The following BAZ2B variants were observed in gnomAD, a reference collection of about 807,000 sequenced individuals.
The protein encoded by BAZ2B is bromodomain adjacent to zinc finger domain 2B, also known as bromodomain adjacent to zinc finger domain protein 2B.
In BAZ2B, 91 loss-of-function variants were observed where a neutral mutation model predicts 246.0. The ratio of observed to expected loss-of-function variants is 0.37; its 90% CI spans 0.31 to 0.44. The LOEUF (loss-of-function observed/expected upper bound fraction) is 0.44, where lower values mean the gene tolerates loss of function less well. BAZ2B is among the 20% of genes least tolerant of loss of function. BAZ2B has a pLI of 1.00. For missense variants in BAZ2B, 2,332 were observed against 2,533.7 expected, an observed-to-expected ratio of 0.92 and a Z score of 1.71; for synonymous variants, 855 against 860.0, an observed-to-expected ratio of 0.99 and a Z score of 0.10.
intron 27 of BAZ2B, among the ~76,000 whole-genome samples, chr2:159,355,268 A>G (rs777295502): frequency 6.6e-6 from 1 of 152,130 alleles, no homozygotes; most frequent in African/African-American, 2.4e-5. Flanking sequence ...CCTTAGGAGT[A>G]CTCGCAGAGC....
chr2:159,602,376 A>G (rs1321863615), intron 1 of BAZ2B, among the ~76,000 whole-genome samples: 1 of 152,210 alleles, frequency 6.6e-6, no homozygotes, highest in African/African-American at 2.4e-5. Flanking sequence ...GTCAACTGAT[A>G]ATTCTTGGGA....
intron 16 of BAZ2B, among the ~76,000 whole-genome samples, chr2:159,403,649 TAAC>T (rs1412228794): frequency 6.6e-6 from 1 of 152,166 alleles, no homozygotes; most frequent in African/African-American, 2.4e-5. Flanking sequence ...CAGTCACAAT[TAAC>T]AAACTAAGGA....
At chr2:159,482,989 G>T (rs2079409340) in intron 2 of BAZ2B, among the ~76,000 whole-genome samples, 1 of 152,076 alleles carries the variant, frequency 6.6e-6, no homozygotes, top group South Asian at 2.1e-4. Context: ...CTGACCCTTT[G>T]TGTTAAGAAT....
chr2:159,337,995 T>C (rs2065947925), intron 31 of BAZ2B, among the ~76,000 whole-genome samples: 1 of 152,212 alleles, frequency 6.6e-6, no homozygotes, highest in Admixed American at 6.5e-5. Context: ...ACTTTTGATA[T>C]TATAAAAGGT....
chr2:159,364,012 C>T (rs2059975680), intron 27 of BAZ2B, among the ~76,000 whole-genome samples: 1 of 152,166 alleles, frequency 6.6e-6, no homozygotes, highest in Non-Finnish European at 1.5e-5. Flanking sequence ...TCATCAGCTC[C>T]ACTTTGTGAG....
intron 2 of BAZ2B, among the ~76,000 whole-genome samples, chr2:159,513,242 T>A (rs2083105948): frequency 6.6e-6 from 1 of 152,190 alleles, no homozygotes; most frequent in Non-Finnish European, 1.5e-5. Context: ...TTTGAAATAT[T>A]TTTGTTACTT....
intron 3 of BAZ2B, among the ~76,000 whole-genome samples, chr2:159,467,839 G>A (rs960465227): frequency 6.6e-6 from 1 of 152,168 alleles, no homozygotes; most frequent in Non-Finnish European, 1.5e-5. Context: ...TTAACAAGAA[G>A]TAAAAAGTAT....
chr2:159,424,744 G>A (rs1204499144), intron 13 of BAZ2B, among the ~76,000 whole-genome samples: 1 of 152,098 alleles, frequency 6.6e-6, no homozygotes, highest in South Asian at 2.1e-4. Flanking sequence ...AAATAACACA[G>A]TATTGGCATA....
intron 2 of BAZ2B, among the ~76,000 whole-genome samples, chr2:159,530,798 T>C (rs974266214): frequency 6.6e-6 from 1 of 151,968 alleles, no homozygotes; most frequent in Non-Finnish European, 1.5e-5. Flanking sequence ...GATGAAACCC[T>C]GTCTCTACTA....
chr2:159,473,217 T>C (rs747659831), intron 3 of BAZ2B, among the ~76,000 whole-genome samples: 12 of 152,192 alleles, frequency 7.9e-5, no homozygotes, highest in African/African-American at 2.7e-4. Context: ...ATTTGGTTGG[T>C]AGACTACTAG....
chr2:159,457,062 C>G (rs2075865069), intron 3 of BAZ2B, among the ~76,000 whole-genome samples: 1 of 152,080 alleles, frequency 6.6e-6, no homozygotes, highest in African/African-American at 2.4e-5. Flanking sequence ...TTTCTTCCAT[C>G]TTTTACAAAA....
At chr2:159,632,940 C>G in the BAZ2B span, among the ~76,000 whole-genome samples, 1 of 152,130 alleles carries the variant, frequency 6.6e-6, no homozygotes, top group Non-Finnish European at 1.5e-5. Flanking sequence ...ACAATTGCAA[C>G]CATAGATTGG....
intron 36 of BAZ2B, among the ~76,000 whole-genome samples, chr2:159,323,825 A>G (rs2063070904): frequency 6.6e-6 from 1 of 151,836 alleles, no homozygotes; most frequent in Admixed American, 6.6e-5. Context: ...AAGAACAAAC[A>G]AAAGAACTAG....
At chr2:159,469,096 A>T (rs2077455393) in intron 3 of BAZ2B, among the ~76,000 whole-genome samples, 1 of 151,510 alleles carries the variant, frequency 6.6e-6, no homozygotes, top group South Asian at 2.1e-4. Flanking sequence ...TCATACCCAT[A>T]GAAAAACAGA....
intron 2 of BAZ2B, among the ~76,000 whole-genome samples, chr2:159,540,730 C>T (rs1317103234): frequency 6.6e-6 from 1 of 152,118 alleles, no homozygotes. Flanking sequence ...TTCACTAAGT[C>T]TAAGACAAAA....
chr2:159,427,165 A>C (rs2070087566), intron 13 of BAZ2B, among the ~76,000 whole-genome samples: 1 of 152,190 alleles, frequency 6.6e-6, no homozygotes, highest in Non-Finnish European at 1.5e-5. Flanking sequence ...TTCACGGATT[A>C]ACAAGAATCT....
At chr2:159,581,380 T>C (rs1686740427) in intron 1 of BAZ2B, among the ~76,000 whole-genome samples, 1 of 152,214 alleles carries the variant, frequency 6.6e-6, no homozygotes, top group Non-Finnish European at 1.5e-5. Flanking sequence ...AGATACCATC[T>C]CATGCCAGTT....
At chr2:159,536,432 A>G (rs570330561) in intron 2 of BAZ2B, 10 of 152,346 alleles carry the variant, frequency 6.6e-5, no homozygotes, top group Non-Finnish European at 1.3e-4. Context: ...ATTTCTAATA[A>G]TAAATAAAAT....
chr2:159,499,424 T>C (rs2081479501), intron 2 of BAZ2B, among the ~76,000 whole-genome samples: 1 of 152,218 alleles, frequency 6.6e-6, no homozygotes, highest in Non-Finnish European at 1.5e-5. Flanking sequence ...AGTCTATCAT[T>C]GATGGGCATT....
Sources: gnomAD v4.1 joint callset for allele counts (sites outside exome capture counted in the v4.1 genomes callset) on GRCh38, gnomAD v4.1.1 for gene constraint, MANE v1.5 for transcripts, NCBI Gene and HGNC (gene_info 2026-07-23, HGNC 2026-07-21) for gene names.